TIAM2: variants seen among roughly 807,000 people sequenced by gnomAD.
The protein encoded by TIAM2 is TIAM Rac1 associated GEF 2.
Under a neutral mutation model 152.9 loss-of-function variants are expected in TIAM2, and 80 were observed. The observed-to-expected ratio is 0.52, with a 90% CI of 0.44 to 0.63. The LOEUF (loss-of-function observed/expected upper bound fraction) is 0.63. TIAM2 is among the 30% of genes least tolerant of loss of function. The pLI, the probability that TIAM2 is intolerant of heterozygous loss-of-function variation, is 0.00. For synonymous variants in TIAM2, 804 were observed against 838.0 expected (o/e 0.96, Z 0.70); for missense variants, 1,965 against 2,120.1 (o/e 0.93, Z 1.44).
intron 7 of TIAM2, among the ~76,000 whole-genome samples, chr6:155,162,785 G>A (rs1231228944): frequency 1.3e-5 from 2 of 152,192 alleles, no homozygotes; most frequent in African/African-American, 4.8e-5. Flanking sequence ...GATACCAGTA[G>A]GCCACCACGT....
intron 15 of TIAM2, among the ~76,000 whole-genome samples, chr6:155,229,360 A>G (rs1782368663): frequency 6.6e-6 from 1 of 152,112 alleles, no homozygotes. Flanking sequence ...TGAGACATTG[A>G]ATGCCCTGTG....
chr6:155,134,427 C>T (rs1334012161), intron 4 of TIAM2, among the ~76,000 whole-genome samples: 1 of 127,194 alleles, frequency 7.9e-6, no homozygotes, highest in African/African-American at 3.0e-5. Context: ...AAGAAAACTC[C>T]TTGCTTTGCT....
At chr6:155,142,189 A>G (rs1206284326) in intron 5 of TIAM2, among the ~76,000 whole-genome samples, 9 of 152,236 alleles carry the variant, frequency 5.9e-5, no homozygotes, top group Non-Finnish European at 1.3e-4. Flanking sequence ...GTGCACCCTT[A>G]GAGATGCAGA....
chr6:155,113,588 A>T (rs1442573911), intron 2 of TIAM2, among the ~76,000 whole-genome samples: 1 of 151,998 alleles, frequency 6.6e-6, no homozygotes, highest in Non-Finnish European at 1.5e-5. Flanking sequence ...GCTGGGCGTT[A>T]TGGTGGGCTC....
chr6:155,166,284 A>G (rs117824256), intron 9 of TIAM2, among the ~76,000 whole-genome samples: 15,722 of 151,790 alleles, frequency 0.1, 888 homozygotes, highest in Middle Eastern at 0.16. Flanking sequence ...CCTTGGGGAA[A>G]GGTGACTCTT....
At chr6:155,088,348 T>C (rs1394535910) in intron 1 of TIAM2, among the ~76,000 whole-genome samples, 1 of 152,142 alleles carries the variant, frequency 6.6e-6, no homozygotes, top group Non-Finnish European at 1.5e-5. Context: ...CCCAAAGTGC[T>C]GGGATTACAG....
intron 1 of TIAM2, among the ~76,000 whole-genome samples, chr6:155,041,099 A>G (rs1442813053): frequency 1.3e-5 from 2 of 152,044 alleles, no homozygotes; most frequent in African/African-American, 2.4e-5. Flanking sequence ...GCTCTTGGAT[A>G]TGCTTGCCAA....
chr6:155,113,554 C>T (rs1778913450), intron 2 of TIAM2, among the ~76,000 whole-genome samples: 1 of 151,916 alleles, frequency 6.6e-6, no homozygotes, highest in Non-Finnish European at 1.5e-5. Flanking sequence ...AACCCCATCT[C>T]TACTTAAAAA....
rs535445932 is a variant in TIAM2 at position 155,257,205 on chromosome 6, A to C, written c.*84A>C. On this transcript the variant is annotated 3_prime_UTR_variant, in exon 27 of 27. Coordinates refer to ENST00000682666, the MANE Select transcript of TIAM2 (RefSeq NM_012454.4). ...GTGGAAATTGCAAAAAAAAAAAAAAAAAAAAACTGTTCATTCCTGGGTTTT... is the reference window on the plus strand; with the variant it reads ...GTGGAAATTGCAAAAAAAAAAAAAACAAAAAACTGTTCATTCCTGGGTTTT... 232 of 1,416,278 alleles carry C rather than the reference A, an allele frequency of 1.6e-4. 2 individuals carry two copies. The African/African-American group carries it at 2.0e-3, about 12-fold the overall frequency. 87.7% of individuals were successfully genotyped at this position (1,416,278 alleles called of 1,614,324 possible).
At chr6:155,242,493 T>C (rs1221479116) in intron 16 of TIAM2, among the ~76,000 whole-genome samples, 2 of 152,146 alleles carry the variant, frequency 1.3e-5, no homozygotes. Flanking sequence ...GGGAGGTTTT[T>C]ATGGTGAAAG....
intron 2 of TIAM2, among the ~76,000 whole-genome samples, chr6:155,094,587 T>C (rs1270308514): frequency 7.1e-6 from 1 of 141,202 alleles, no homozygotes; most frequent in Non-Finnish European, 1.5e-5. Context: ...GGTCTCACTG[T>C]TACCCAGGCT....
In TIAM2 at chr6:155,174,385, T is replaced by C. The variant is rs1286795090; in HGVS notation, c.2362-2431T>C. Among the ~76,000 whole-genome samples, 1 of 152,116 alleles carries C rather than the reference T, an allele frequency of 6.6e-6. No homozygotes were observed. Among genetic ancestry groups the C allele is most frequent in the Non-Finnish European group, 1.5e-5 (1 of 68,016 alleles). On this transcript the variant is annotated intron_variant, in intron 9 of 26. Coordinates refer to ENST00000682666, the MANE Select transcript of TIAM2 (RefSeq NM_012454.4). This position sits in a 1 kb window ranked among gnomAD's most constrained non-coding sequence, Gnocchi z 4.2. Reference sequence around the variant, plus strand: ...CTCACGAGATGCAGTCTTTTTTTTTTTTTGAGATGGAGCCTCCCTCTGTCG... The same window carrying C: ...CTCACGAGATGCAGTCTTTTTTTTTCTTTGAGATGGAGCCTCCCTCTGTCG...
chr6:155,035,997 T>G (rs1425911915), intron 1 of TIAM2, among the ~76,000 whole-genome samples: 1 of 152,204 alleles, frequency 6.6e-6, no homozygotes, highest in Non-Finnish European at 1.5e-5. Flanking sequence ...GATCCCTTTT[T>G]GGGTAAATCT....
At chr6:155,106,777 T>C (rs989765180) in intron 2 of TIAM2, among the ~76,000 whole-genome samples, 1 of 152,204 alleles carries the variant, frequency 6.6e-6, no homozygotes, top group Non-Finnish European at 1.5e-5. Context: ...GTGGTAATTA[T>C]GGAATGCAGG....
At position 155,152,691 on chromosome 6, in the gene TIAM2, T is replaced by C. The variant is rs556820863; in HGVS notation, c.2028+4357T>C. Among the ~76,000 whole-genome samples, 16 of 152,112 alleles carry C rather than the reference T, an allele frequency of 1.1e-4. No homozygotes were observed. The East Asian group carries it at 1.6e-3, about 15-fold the overall frequency. On this transcript the variant is annotated intron_variant, in intron 7 of 26. Coordinates refer to ENST00000682666, the MANE Select transcript of TIAM2 (RefSeq NM_012454.4). ...AAAAATCTCATCCTGACCATAATCG[T>C]AGTCGAAGGGATGCCCAGCTTGGAG...
intron 14 of TIAM2, among the ~76,000 whole-genome samples, chr6:155,189,434 G>C (rs771711303): frequency 6.6e-6 from 1 of 152,002 alleles, no homozygotes; most frequent in Non-Finnish European, 1.5e-5. Context: ...AGAATTACGA[G>C]TTTGTTTTGT....
intron 2 of TIAM2, among the ~76,000 whole-genome samples, chr6:155,100,500 C>T (rs889856754): frequency 2.6e-5 from 4 of 152,202 alleles, no homozygotes; most frequent in Non-Finnish European, 5.9e-5. Context: ...GTGCAACAAA[C>T]ACTGTTCTTC....
chr6:155,158,530 G>A lies in TIAM2; in HGVS notation c.2029-5885G>A, dbSNP rs370298123. Among the ~76,000 whole-genome samples, 6 of 152,028 alleles carry A rather than the reference G, an allele frequency of 3.9e-5. No individual in the cohort carries two copies. In the South Asian group the frequency reaches 8.3e-4, roughly 21 times the overall value. On this transcript the variant is annotated intron_variant, in intron 7 of 26. Coordinates refer to ENST00000682666, the MANE Select transcript of TIAM2 (RefSeq NM_012454.4). ...AGCATGGGCATTAAAAGAAACAAAA[G>A]CTCAATCTATATAGAAGTTATGTTT...
At chr6:155,000,515 G>T (rs1778294587) in intron 1 of TIAM2, among the ~76,000 whole-genome samples, 1 of 118,052 alleles carries the variant, frequency 8.5e-6, no homozygotes, top group Non-Finnish European at 1.7e-5. Flanking sequence ...TGGGCAACAA[G>T]AGGGAAACTG....
Sources: gnomAD v4.1 joint callset for allele counts (sites outside exome capture counted in the v4.1 genomes callset) on GRCh38, gnomAD v4.1.1 for gene constraint, Gnocchi (gnomAD v3.1) non-coding constraint, MANE v1.5 for transcripts, NCBI Gene and HGNC (gene_info 2026-07-23, HGNC 2026-07-21) for gene names.